Variants in FOXN3 observed in about 807,000 individuals in gnomAD.
FOXN3 encodes forkhead box protein N3.
A neutral mutation model predicts 38.4 loss-of-function variants in FOXN3; 7 were observed. That is an observed-to-expected ratio of 0.18 (90% confidence interval 0.10 to 0.34). FOXN3 has a LOEUF of 0.34. Ranked by LOEUF, FOXN3 falls within the 10% of genes least tolerant of loss-of-function variation. The pLI, the probability that FOXN3 is intolerant of heterozygous loss-of-function variation, is 1.00. For missense variants in FOXN3, 456 were observed against 613.4 expected (o/e 0.74, Z 2.71); for synonymous variants, 230 against 242.2 (o/e 0.95, Z 0.47).
At chr14:89,363,804 G>C (rs1167939879) in intron 2 of FOXN3, among the ~76,000 whole-genome samples, 1 of 151,712 alleles carries the variant, frequency 6.6e-6, no homozygotes, top group Non-Finnish European at 1.5e-5. Context: ...GGAAGGCCAG[G>C]TGCAGTGGCT....
At chr14:89,476,159 C>G (rs1893205312) in intron 1 of FOXN3, among the ~76,000 whole-genome samples, 2 of 152,174 alleles carry the variant, frequency 1.3e-5, no homozygotes, top group South Asian at 2.1e-4. Flanking sequence ...CAAACACACA[C>G]CTTTTTGTAC....
chr14:89,189,011 G>A (rs750481791), intron 4 of FOXN3, among the ~76,000 whole-genome samples: 5 of 152,136 alleles, frequency 3.3e-5, no homozygotes, highest in African/African-American at 7.2e-5. Flanking sequence ...GCAATGGCTG[G>A]AGGTCTGAGT....
chr14:89,317,033 C>T (rs1398613605), intron 3 of FOXN3, among the ~76,000 whole-genome samples: 1 of 152,180 alleles, frequency 6.6e-6, no homozygotes, highest in Non-Finnish European at 1.5e-5. Flanking sequence ...ACTCATATAA[C>T]ATTCTATGCA....
intron 4 of FOXN3, among the ~76,000 whole-genome samples, chr14:89,273,228 C>CT (rs1469511899): frequency 6.6e-6 from 1 of 152,220 alleles, no homozygotes; most frequent in Non-Finnish European, 1.5e-5. Flanking sequence ...CCTGATTCCC[C>CT]TCTTCCGAAG....
chr14:89,289,539 T>G (rs908042175), intron 3 of FOXN3, among the ~76,000 whole-genome samples: 1 of 152,238 alleles, frequency 6.6e-6, no homozygotes, highest in South Asian at 2.1e-4. Context: ...AAATCTCTTA[T>G]GCAGAAAAGT....
At chr14:89,421,528 A>AGATG (rs56659540), upstream of FOXN3, among the ~76,000 whole-genome samples, 1 of 144,750 alleles carries the variant, frequency 6.9e-6, no homozygotes, top group Non-Finnish European at 1.5e-5. Context: ...ACCCAGGGAA[A>AGATG]TTTTTTTTTT....
At chr14:89,192,723 A>G (rs889818942) in intron 4 of FOXN3, among the ~76,000 whole-genome samples, 1 of 145,898 alleles carries the variant, frequency 6.9e-6, no homozygotes, top group African/African-American at 2.5e-5. Flanking sequence ...ATACTATTAT[A>G]TAATAGTTAA....
chr14:89,437,513 C>T (rs996555146), intron 1 of FOXN3, among the ~76,000 whole-genome samples: 68 of 152,108 alleles, frequency 4.5e-4, no homozygotes, highest in African/African-American at 1.4e-3. Flanking sequence ...ATCTTGAATA[C>T]GAGCTGTGTA....
At chr14:89,404,932 T>A (rs1253581057) in intron 2 of FOXN3, among the ~76,000 whole-genome samples, 2 of 152,158 alleles carry the variant, frequency 1.3e-5, no homozygotes, top group Non-Finnish European at 2.9e-5. Context: ...TGTCTTCCAA[T>A]GAGCATTATT....
intron 1 of FOXN3, among the ~76,000 whole-genome samples, chr14:89,414,460 T>C (rs905699531): frequency 2.4e-4 from 36 of 151,828 alleles, no homozygotes; most frequent in African/African-American, 7.3e-4. Flanking sequence ...CAGCCAAGGG[T>C]GCCTGTGAAT....
chr14:89,412,212 C>G lies in FOXN3; in HGVS notation c.265G>C (p.Asp89His), dbSNP rs774409009. ...GATGGGGGGGTGTCATCGTCCAGGT[C>G]CTGGACGGGGCTGACACTCCTGAGG... The part of the protein sequence containing the change: ...SVLRSVSPVQ[D>H]LDDDTPPSPA... Residue 89 changes from aspartate to histidine, a missense_variant, in exon 2 of 6, where the codon GAC (aspartate) becomes CAC (histidine). Transcript: ENST00000557258. This position sits in a 1 kb window ranked among gnomAD's most constrained non-coding sequence, Gnocchi z 4.7. 1.2e-6 allele frequency: 2 copies of G among 1,613,984 alleles called. No homozygotes were observed. Among genetic ancestry groups the G allele is most frequent in the African/African-American group, 1.3e-5 (1 of 74,986 alleles).
chr14:89,610,411 G>T (rs1444275967), intron 1 of FOXN3, among the ~76,000 whole-genome samples: 3 of 152,222 alleles, frequency 2.0e-5, no homozygotes, highest in African/African-American at 7.2e-5. Flanking sequence ...CCCCAGTGCG[G>T]CTGAGCTCCA....
chr14:89,346,270 C>A (rs940612619), intron 3 of FOXN3, among the ~76,000 whole-genome samples: 1 of 152,202 alleles, frequency 6.6e-6, no homozygotes, highest in African/African-American at 2.4e-5. Context: ...TTACTATTAA[C>A]TAAACTGCAC....
intron 3 of FOXN3, among the ~76,000 whole-genome samples, chr14:89,286,063 G>GT (rs1439552434): frequency 6.6e-6 from 1 of 151,704 alleles, no homozygotes; most frequent in Non-Finnish European, 1.5e-5. Flanking sequence ...GTAGGACAGG[G>GT]TCTCACTATG....
At chr14:89,604,240 C>T (rs920711880) in intron 1 of FOXN3, among the ~76,000 whole-genome samples, 1 of 137,188 alleles carries the variant, frequency 7.3e-6, no homozygotes, top group African/African-American at 2.9e-5. Flanking sequence ...CACACACACA[C>T]GTGCGCGCAC....
chr14:89,512,604 G>A (rs1054253943), intron 1 of FOXN3, among the ~76,000 whole-genome samples: 4 of 152,230 alleles, frequency 2.6e-5, no homozygotes, highest in Admixed American at 6.5e-5. Flanking sequence ...TCCTCTTCCC[G>A]GTACGGGGAG....
chr14:89,195,314 A>G (rs947377591), intron 4 of FOXN3, among the ~76,000 whole-genome samples: 3 of 151,498 alleles, frequency 2.0e-5, no homozygotes, highest in African/African-American at 4.9e-5. Context: ...GCTTACTCCC[A>G]CTCTCTACCT....
At chr14:89,616,981 G>A (rs1292300359) in intron 1 of FOXN3, among the ~76,000 whole-genome samples, 4 of 152,180 alleles carry the variant, frequency 2.6e-5, no homozygotes, top group African/African-American at 9.7e-5. Flanking sequence ...AAGCCAACAA[G>A]TTCTCCAGGC....
intron 1 of FOXN3, among the ~76,000 whole-genome samples, chr14:89,483,484 C>T (rs1366899188): frequency 2.0e-5 from 3 of 152,226 alleles, no homozygotes; most frequent in East Asian, 1.9e-4. Flanking sequence ...TCTCGGCTCA[C>T]TGCAACCTCT....
Sources: allele counts gnomAD v4.1 joint callset (sites outside exome capture counted in the v4.1 genomes callset), GRCh38; gene constraint gnomAD v4.1.1; non-coding constraint Gnocchi (gnomAD v3.1); transcripts MANE v1.5; gene names NCBI Gene and HGNC (gene_info 2026-07-23, HGNC 2026-07-21).